CREG2: variants seen among roughly 807,000 people sequenced by gnomAD.
CREG2 encodes the protein protein CREG2.
Under a neutral mutation model 26.2 loss-of-function variants are expected in CREG2, and 24 were observed. The ratio of observed to expected loss-of-function variants is 0.92; its 90% CI spans 0.66 to 1.29. The LOEUF (loss-of-function observed/expected upper bound fraction) is 1.29. CREG2 is among the 50% of genes most tolerant of loss of function. The probability of loss-of-function intolerance (pLI) is 0.00; values close to 1 mark genes in which losing one functional copy is unlikely to be tolerated. For synonymous variants in CREG2, 174 were observed against 169.2 expected (o/e 1.03, Z -0.22); for missense variants, 366 against 398.6 (o/e 0.92, Z 0.70).
At chr2:101,364,899 C>G (rs1309753291) in intron 2 of CREG2, among the ~76,000 whole-genome samples, 3 of 152,188 alleles carry the variant, frequency 2.0e-5, no homozygotes, top group African/African-American at 7.2e-5. Flanking sequence ...CCAGGACATG[C>G]TGACGGGTGG....
chr2:101,377,192 T>C (rs1024448388), intron 2 of CREG2, among the ~76,000 whole-genome samples: 1 of 152,018 alleles, frequency 6.6e-6, no homozygotes, highest in Non-Finnish European at 1.5e-5. Flanking sequence ...ATATACTCTA[T>C]GAAAAGAAAT....
intron 2 of CREG2, among the ~76,000 whole-genome samples, chr2:101,371,138 C>T (rs1391858823): frequency 1.3e-5 from 2 of 152,200 alleles, no homozygotes; most frequent in African/African-American, 4.8e-5. Context: ...CCCCTGCCCC[C>T]TCCCCGTAGA....
chr2:101,378,867 A>G (rs1033590620), intron 2 of CREG2, among the ~76,000 whole-genome samples: 2 of 152,120 alleles, frequency 1.3e-5, no homozygotes, highest in Non-Finnish European at 2.9e-5. Context: ...TTAGCTGGGC[A>G]CGGTGGTGGG....
Position 101,383,512 on chromosome 2 carries a change from TGA to T in CREG2, c.611+19_611+20del, listed in dbSNP as rs752726692. On this transcript the variant is annotated intron_variant, in intron 2 of 3. Transcript: ENST00000324768. Reference sequence around the variant, plus strand: ...AAAAACTTCCCAGGACCCGTGTGAGTGAGGGCAAACCGTCGTCTACCTGCAGA... The same window carrying T: ...AAAAACTTCCCAGGACCCGTGTGAGTGGGCAAACCGTCGTCTACCTGCAGA... 8 of 1,612,524 alleles carry T rather than the reference TGA, an allele frequency of 5.0e-6. No individual in the cohort carries two copies. The East Asian group carries it at 1.8e-4, about 36-fold the overall frequency.
intron 1 of CREG2, among the ~76,000 whole-genome samples, chr2:101,384,616 C>T (rs993957539): frequency 1.3e-5 from 2 of 152,306 alleles, no homozygotes; most frequent in South Asian, 2.1e-4. Flanking sequence ...CATGGGGACT[C>T]ACCCTGTAAT....
At chr2:101,374,261 C>T (rs962067994) in intron 2 of CREG2, among the ~76,000 whole-genome samples, 6 of 152,292 alleles carry the variant, frequency 3.9e-5, no homozygotes, top group Admixed American at 3.9e-4. Context: ...GCCTGTAGTC[C>T]CGTCCAACGG....
intron 2 of CREG2, among the ~76,000 whole-genome samples, chr2:101,359,450 C>T (rs12712096): frequency 0.4 from 61,308 of 152,098 alleles, 13,632 homozygotes; most frequent in East Asian, 0.61. Context: ...TTGGTGCACA[C>T]ATGTGAGCCC....
chr2:101,361,301 G>T (rs182960638), intron 2 of CREG2, among the ~76,000 whole-genome samples: 1 of 152,284 alleles, frequency 6.6e-6, no homozygotes, highest in South Asian at 2.1e-4. Flanking sequence ...GTCCACATCC[G>T]AATCTCTGGA....
intron 2 of CREG2, among the ~76,000 whole-genome samples, chr2:101,378,695 G>A (rs1480928988): frequency 6.6e-6 from 1 of 152,032 alleles, no homozygotes; most frequent in Non-Finnish European, 1.5e-5. Flanking sequence ...ACCCTGAACC[G>A]GCCGGGTATT....
Position 101,387,470 on chromosome 2 carries a change from A to G in CREG2, c.-13T>C, listed in dbSNP as rs1684994933. The G allele has an allele frequency of 1.9e-6, 2 of 1,035,354 alleles. No homozygotes were observed. Among genetic ancestry groups the G allele is most frequent in the Admixed American group, 4.5e-5 (1 of 22,420 alleles). The allele number at this position is 1,035,354 out of a possible 1,614,324, so 64.1% of individuals were successfully genotyped here. ...GGCGCACGGACATCTTGCAGGCAGC[A>G]CGCCCGGCCGCCGGGGCCGCCAGCA... On this transcript the variant is annotated 5_prime_UTR_variant, in exon 1 of 4. Transcript: ENST00000324768. This position sits in a 1 kb window ranked among gnomAD's most constrained non-coding sequence, Gnocchi z 4.7.
Position 101,350,980 on chromosome 2 carries a change from T to C in CREG2, c.816A>G (p.Gly272=). ...IEHIWLQKWY[G]GASSISREEY... ...CCTCCCTTGAAATACTGGATGCGCC[T>C]CCATACCATTTCTGAAGCCAGATAT... Residue 272 remains glycine, a synonymous_variant, in exon 4 of 4, where the codon GGA becomes GGG. Transcript: ENST00000324768. 1 of 1,614,192 alleles carries C rather than the reference T, an allele frequency of 6.2e-7. No individual in the cohort carries two copies. Among genetic ancestry groups the C allele is most frequent in the South Asian group, 1.1e-5 (1 of 91,084 alleles).
At chr2:101,358,678 T>C (rs565317943) in intron 2 of CREG2, among the ~76,000 whole-genome samples, 2 of 152,198 alleles carry the variant, frequency 1.3e-5, no homozygotes, top group South Asian at 2.1e-4. Context: ...TATGGATCTG[T>C]AGCAACCTCA....
rs1028791004 is a variant in CREG2 at position 101,350,312 on chromosome 2, C to A, written c.*611G>T. 2.0e-5 allele frequency: 3 copies of A among 152,262 alleles called. No homozygotes were observed. Among genetic ancestry groups the A allele is most frequent in the African/African-American group, 7.2e-5 (3 of 41,454 alleles). 9.4% of individuals were successfully genotyped at this position (152,262 alleles called of 1,614,324 possible). A position where few individuals can be genotyped will look rare whatever the true frequency, so the allele number is the denominator to read the frequency against. ...ACATAGAGAAGGGCTATGCACAAAG[C>A]ACCCTATGTTCTTACACTGTTTTCA... On this transcript the variant is annotated 3_prime_UTR_variant, in exon 4 of 4. Coordinates refer to ENST00000324768, the MANE Select transcript of CREG2 (RefSeq NM_153836.4).
chr2:101,383,382 G>A, intron 2 of CREG2, 151 bp downstream of exon 2: 2 of 737,616 alleles, frequency 2.7e-6, no homozygotes, highest in South Asian at 1.9e-5. Flanking sequence ...TTGGTGAGTG[G>A]TGGAATTCTA....
chr2:101,371,136 C>A (rs931146969), intron 2 of CREG2, among the ~76,000 whole-genome samples: 1 of 152,138 alleles, frequency 6.6e-6, no homozygotes, highest in Non-Finnish European at 1.5e-5. Context: ...GACCCCTGCC[C>A]CCTCCCCGTA....
At chr2:101,384,163 T>G (rs1684927851) in intron 1 of CREG2, among the ~76,000 whole-genome samples, 1 of 152,196 alleles carries the variant, frequency 6.6e-6, no homozygotes, top group Non-Finnish European at 1.5e-5. Context: ...GTCTTTAACG[T>G]CTTGCCTGCT....
intron 2 of CREG2, chr2:101,381,975 C>A (rs1470946784): frequency 6.6e-6 from 1 of 152,524 alleles, no homozygotes; most frequent in African/African-American, 2.4e-5. Context: ...CCAGCTCCTG[C>A]TGCCATTTGC....
At chr2:101,371,773 G>A (rs979917067) in intron 2 of CREG2, among the ~76,000 whole-genome samples, 3 of 152,154 alleles carry the variant, frequency 2.0e-5, no homozygotes, top group Non-Finnish European at 4.4e-5. Flanking sequence ...ACAAACCAAG[G>A]TCAGCAAGGC....
intron 1 of CREG2, among the ~76,000 whole-genome samples, 177 bp from the exon 2 acceptor site, chr2:101,383,879 C>T (rs930801989): frequency 6.6e-6 from 1 of 152,190 alleles, no homozygotes; most frequent in Non-Finnish European, 1.5e-5. Flanking sequence ...CTGCCCAATT[C>T]ACTCCGTGGT....
Sources: gnomAD v4.1 joint callset for allele counts (sites outside exome capture counted in the v4.1 genomes callset) on GRCh38, gnomAD v4.1.1 for gene constraint, Gnocchi (gnomAD v3.1) non-coding constraint, MANE v1.5 for transcripts, NCBI Gene and HGNC (gene_info 2026-07-23, HGNC 2026-07-21) for gene names.